Variants in PLA2G4A observed in about 807,000 individuals in gnomAD.
PLA2G4A encodes the protein phospholipase A2 group IVA.
PLA2G4A carries 40 observed loss-of-function variants against 81.9 expected under a neutral mutation model. The ratio of observed to expected loss-of-function variants is 0.49; its 90% CI spans 0.38 to 0.64. The LOEUF (loss-of-function observed/expected upper bound fraction) is 0.64. PLA2G4A is among the 30% of genes least tolerant of loss of function. The pLI is 0.00. For missense variants in PLA2G4A, 715 were observed against 905.1 expected (o/e 0.79, Z 2.69); for synonymous variants, 302 against 296.9 (o/e 1.02, Z -0.18).
At chr1:186,950,606 T>G (rs780718267) in intron 12 of PLA2G4A, 51 bp from the exon 13 acceptor site, 1 of 960,404 alleles carries the variant, frequency 1.0e-6, no homozygotes, top group Non-Finnish European at 1.7e-6. Flanking sequence ...TAAAATTAAT[T>G]GTTAATTTTG....
intron 1 of PLA2G4A, among the ~76,000 whole-genome samples, chr1:186,853,675 AT>A (rs1223583477): frequency 2.0e-5 from 3 of 151,892 alleles, no homozygotes; most frequent in African/African-American, 7.2e-5. Flanking sequence ...TTTTTATTTG[AT>A]TTTAAATAAC....
chr1:186,899,409 G>A (rs1233890466), intron 5 of PLA2G4A, among the ~76,000 whole-genome samples: 2 of 152,136 alleles, frequency 1.3e-5, no homozygotes, highest in Non-Finnish European at 2.9e-5. Flanking sequence ...CAATGTCTTA[G>A]GCATGTCCTT....
intron 15 of PLA2G4A, among the ~76,000 whole-genome samples, chr1:186,970,176 T>A (rs1239234593): frequency 6.6e-6 from 1 of 152,056 alleles, no homozygotes; most frequent in Non-Finnish European, 1.5e-5. Context: ...TGTTAAACAT[T>A]TTTTCATATT....
Position 186,968,560 on chromosome 1 carries a change from T to C in PLA2G4A, c.1764+2967T>C, listed in dbSNP as rs55960363. On this transcript the variant is annotated intron_variant, in intron 15 of 17. Coordinates refer to ENST00000367466, the MANE Select transcript of PLA2G4A (RefSeq NM_024420.3). The stretch of plus-strand genomic sequence containing the variant: ...TTATAAAGACATATAATACAGTAAA[T>C]ATAAAAGATATATAAGATGTTTATA... 2.2e-3 allele frequency among the ~76,000 whole-genome samples: 336 copies of C among 151,706 alleles called. 1 individual carries two copies. Among genetic ancestry groups the C allele is most frequent in the African/African-American group, 7.1e-3 (294 of 41,466 alleles).
intron 7 of PLA2G4A, among the ~76,000 whole-genome samples, chr1:186,921,763 G>A (rs1219620173): frequency 1.3e-5 from 2 of 152,112 alleles, no homozygotes; most frequent in South Asian, 2.1e-4. Flanking sequence ...TTTTGGTCCC[G>A]ACTTCCCTCG....
chr1:186,936,015 T>TA (rs1418448847), intron 8 of PLA2G4A, among the ~76,000 whole-genome samples: 1 of 151,896 alleles, frequency 6.6e-6, no homozygotes, highest in Non-Finnish European at 1.5e-5. Flanking sequence ...ATGAGTGAAC[T>TA]AAAAAAACAG....
chr1:186,932,227 AATG>A (rs1346397729), intron 7 of PLA2G4A, among the ~76,000 whole-genome samples: 3 of 152,038 alleles, frequency 2.0e-5, no homozygotes. Flanking sequence ...TGGTCATTTT[AATG>A]ATATCTTTTT....
rs1456617514 is a variant in PLA2G4A, at chr1:186,854,272, T to C, written c.-69-14T>C. The stretch of plus-strand genomic sequence containing the variant: ...CAAGAGGAAGCTTAACAATAGTGAT[T>C]GTTTATTTTGTAGGTTTTAAAGACG... On this transcript the variant is annotated splice_polypyrimidine_tract_variant and intron_variant, in intron 1 of 17. Coordinates refer to ENST00000367466, the MANE Select transcript of PLA2G4A (RefSeq NM_024420.3). 1 of 819,034 alleles carries C rather than the reference T, an allele frequency of 1.2e-6. No homozygotes were observed. The highest frequency in any genetic ancestry group is 1.7e-5 in the African/African-American group (1 of 59,146). The allele number at this position is 819,034 out of a possible 1,614,324, so 50.7% of individuals were successfully genotyped here. A position where few individuals can be genotyped will look rare whatever the true frequency, so the allele number is the denominator to read the frequency against.
At chr1:186,951,711 T>C (rs1413859562) in intron 13 of PLA2G4A, among the ~76,000 whole-genome samples, 1 of 152,110 alleles carries the variant, frequency 6.6e-6, no homozygotes, top group Non-Finnish European at 1.5e-5. Flanking sequence ...TCAGAAGATG[T>C]GTTTGTGTAA....
intron 2 of PLA2G4A, among the ~76,000 whole-genome samples, chr1:186,866,612 T>C (rs957283937): frequency 1.3e-5 from 2 of 152,260 alleles, no homozygotes; most frequent in South Asian, 2.1e-4. Flanking sequence ...ATTTAGAATA[T>C]GAATATATTT....
At chr1:186,987,594 C>A (rs561155978) in intron 17 of PLA2G4A, among the ~76,000 whole-genome samples, 15 of 152,256 alleles carry the variant, frequency 9.9e-5, no homozygotes, top group African/African-American at 3.4e-4. Context: ...ACTATTCAGG[C>A]CTTCTTCCAA....
chr1:186,920,028 G>A (rs1054033645), intron 7 of PLA2G4A, among the ~76,000 whole-genome samples: 1 of 152,176 alleles, frequency 6.6e-6, no homozygotes, highest in South Asian at 2.1e-4. Flanking sequence ...CAGGCTTAAC[G>A]TCTATGAGCA....
In PLA2G4A at chr1:186,979,542, T is replaced by C. The variant is rs535094171; in HGVS notation, c.2118+70T>C. ...ACCGTATAAATACACCAATACCTCT[T>C]TTCAATTAAAAATAAAAAAATAAGT... On this transcript the variant is annotated intron_variant, in intron 17 of 17. Transcript: ENST00000367466. The C allele has an allele frequency of 1.4e-5, 14 of 974,348 alleles. No homozygotes were observed. In the African/African-American group the frequency reaches 1.9e-4, roughly 13 times the overall value. The allele number at this position is 974,348 out of a possible 1,614,324, so 60.4% of individuals were successfully genotyped here.
At chr1:186,889,037 A>G (rs936057875) in intron 3 of PLA2G4A, among the ~76,000 whole-genome samples, 1 of 152,222 alleles carries the variant, frequency 6.6e-6, no homozygotes, top group Non-Finnish European at 1.5e-5. Flanking sequence ...AATCCTGAGC[A>G]CTGGTGATAT....
At chr1:186,920,595 C>T (rs1038649613) in intron 7 of PLA2G4A, among the ~76,000 whole-genome samples, 20 of 152,272 alleles carry the variant, frequency 1.3e-4, no homozygotes, top group African/African-American at 4.1e-4. Flanking sequence ...TCTTTTGTTC[C>T]GAATCACCTT....
chr1:186,866,839 T>A (rs1039869576), intron 2 of PLA2G4A, among the ~76,000 whole-genome samples: 2 of 152,116 alleles, frequency 1.3e-5, no homozygotes, highest in African/African-American at 4.8e-5. Flanking sequence ...AATTTTTAAG[T>A]TAGATTTTCA....
intron 17 of PLA2G4A, among the ~76,000 whole-genome samples, chr1:186,980,041 A>G (rs923207679): frequency 7.6e-5 from 10 of 131,406 alleles, no homozygotes; most frequent in South Asian, 2.4e-4. Flanking sequence ...TCCGCCTCCC[A>G]GGTTCACGCC....
At chr1:186,924,033 C>T (rs1655457325) in intron 7 of PLA2G4A, among the ~76,000 whole-genome samples, 1 of 152,140 alleles carries the variant, frequency 6.6e-6, no homozygotes, top group Admixed American at 6.5e-5. Context: ...GAATATACTC[C>T]CTTTGCTTTC....
At chr1:186,972,040 T>C (rs1235510390) in intron 15 of PLA2G4A, among the ~76,000 whole-genome samples, 2 of 152,112 alleles carry the variant, frequency 1.3e-5, no homozygotes, top group East Asian at 1.9e-4. Flanking sequence ...TTAAATGTCA[T>C]ATTTTGTCAA....
Sources: gnomAD v4.1 joint callset for allele counts (sites outside exome capture counted in the v4.1 genomes callset) on GRCh38, gnomAD v4.1.1 for gene constraint, MANE v1.5 for transcripts, NCBI Gene and HGNC (gene_info 2026-07-23, HGNC 2026-07-21) for gene names.